MSH3: variants seen among roughly 807,000 people sequenced by gnomAD.
MSH3 encodes the protein DNA mismatch repair protein Msh3.
MSH3 carries 106 observed loss-of-function variants against 123.3 expected under a neutral mutation model. The observed-to-expected ratio is 0.86, with a 90% confidence interval of 0.73 to 1.01. The LOEUF is 1.01. Among genes scored for constraint, MSH3 ranks in the 50% least tolerant of loss-of-function variants. The pLI is 0.00. For synonymous variants in MSH3, 515 were observed against 481.4 expected, an observed-to-expected ratio of 1.07 and a Z score of -0.91; for missense variants, 1,459 against 1,347.6, an observed-to-expected ratio of 1.08 and a Z score of -1.29.
At chr5:80,708,257 T>C (rs1750764759) in intron 8 of MSH3, among the ~76,000 whole-genome samples, 1 of 152,160 alleles carries the variant, frequency 6.6e-6, no homozygotes, top group Admixed American at 6.5e-5. Flanking sequence ...ATTTTAGTTC[T>C]ATAGTTTTAG....
chr5:80,805,414 T>C (rs904224528), intron 19 of MSH3, among the ~76,000 whole-genome samples: 14 of 152,318 alleles, frequency 9.2e-5, no homozygotes, highest in African/African-American at 2.9e-4. Flanking sequence ...ATGCACACAA[T>C]TAAATACTGA....
chr5:80,702,486 C>T (rs1316774419), intron 8 of MSH3, among the ~76,000 whole-genome samples: 1 of 152,082 alleles, frequency 6.6e-6, no homozygotes, highest in Non-Finnish European at 1.5e-5. Context: ...TGCTAGGTAT[C>T]GCATGGCATA....
intron 17 of MSH3, among the ~76,000 whole-genome samples, chr5:80,781,504 G>A (rs1744409065): frequency 7.0e-6 from 1 of 142,430 alleles, no homozygotes; most frequent in Non-Finnish European, 1.5e-5. Flanking sequence ...TCCTCGCTCT[G>A]CCACCCAGGC....
At chr5:80,730,288 C>T (rs754731636) in intron 10 of MSH3, among the ~76,000 whole-genome samples, 3 of 152,068 alleles carry the variant, frequency 2.0e-5, no homozygotes, top group Admixed American at 6.5e-5. Flanking sequence ...TAGTACATAC[C>T]ATTATATGAA....
At chr5:80,801,628 A>G (rs1035995346) in intron 19 of MSH3, among the ~76,000 whole-genome samples, 1 of 152,158 alleles carries the variant, frequency 6.6e-6, no homozygotes, top group African/African-American at 2.4e-5. Context: ...CAGGTTCACC[A>G]TGCACCACTT....
At chr5:80,844,524 G>A (rs901234735) in intron 20 of MSH3, among the ~76,000 whole-genome samples, 6 of 152,098 alleles carry the variant, frequency 3.9e-5, no homozygotes, top group African/African-American at 1.4e-4. Flanking sequence ...TTATTATTGT[G>A]TGGGAGTCTT....
chr5:80,798,598 T>C (rs1439877643), intron 19 of MSH3, among the ~76,000 whole-genome samples: 1 of 152,246 alleles, frequency 6.6e-6, no homozygotes, highest in Non-Finnish European at 1.5e-5. Context: ...CAGATTCTGC[T>C]GTAAAGGTGT....
intron 8 of MSH3, among the ~76,000 whole-genome samples, chr5:80,709,654 T>C (rs1327205001): frequency 6.6e-6 from 1 of 152,214 alleles, no homozygotes; most frequent in Non-Finnish European, 1.5e-5. Flanking sequence ...AAAGAGTTTT[T>C]AACAACTTTT....
At chr5:80,795,050 G>A (rs1202084979) in intron 19 of MSH3, among the ~76,000 whole-genome samples, 1 of 152,200 alleles carries the variant, frequency 6.6e-6, no homozygotes, top group Non-Finnish European at 1.5e-5. Flanking sequence ...TCTGAGGACA[G>A]TGAAAGAATT....
chr5:80,763,674 T>C (rs1383010696), intron 13 of MSH3, among the ~76,000 whole-genome samples: 2 of 152,212 alleles, frequency 1.3e-5, no homozygotes, highest in Admixed American at 6.5e-5. Context: ...CAGTGGCTAC[T>C]CAAATGCACA....
At chr5:80,869,805 CATATATACATAT>C (rs1242919498) in intron 22 of MSH3, among the ~76,000 whole-genome samples, 2 of 100,362 alleles carry the variant, frequency 2.0e-5, no homozygotes, top group African/African-American at 9.0e-5. Flanking sequence ...CATATATATA[CATATATACATAT>C]ATATATACAT....
chr5:80,835,148 C>T (rs1745486782), intron 20 of MSH3, among the ~76,000 whole-genome samples: 2 of 152,286 alleles, frequency 1.3e-5, no homozygotes, highest in Non-Finnish European at 2.9e-5. Flanking sequence ...TGACCAAATT[C>T]TATGTAGAGA....
chr5:80,704,856 CGCTT>C (rs1410480057), intron 8 of MSH3, among the ~76,000 whole-genome samples: 1 of 152,160 alleles, frequency 6.6e-6, no homozygotes, highest in Non-Finnish European at 1.5e-5. Flanking sequence ...CCTTGTCCCT[CGCTT>C]TGGGCTCCAG....
rs373436584 is a variant in MSH3, at chr5:80,656,460, C to T, written c.287C>T (p.Pro96Leu). Residue 96 changes from proline (P) to leucine (L), a missense_variant, in exon 2 of 24, where the codon CCT becomes CTT. By Grantham distance (98) the Pro-to-Leu change is moderately conservative. Transcript: ENST00000265081. ...RKKRPLENDG[P>L]VKKKVKKVQQ... ...AAGAGACCATTGGAAAATGATGGGCCTGTTAAAAAGAAAGTAAAGAAAGTC... is the reference window on the plus strand; with the variant it reads ...AAGAGACCATTGGAAAATGATGGGCTTGTTAAAAAGAAAGTAAAGAAAGTC... The T allele has an allele frequency of 4.3e-5, 70 of 1,613,938 alleles. 1 individual carries two copies. The African/African-American group carries it at 9.3e-4, about 22-fold the overall frequency.
In MSH3 at chr5:80,709,209, A is replaced by ATATG. The variant is rs370520309; in HGVS notation, c.1341-16243_1341-16242insATGT. Reference sequence around the variant, plus strand: ...CATTAGCGATGAATATAAAATAGATATGTGTGTGTGTGTGTGTGTGTGTGT... The same window carrying ATATG: ...CATTAGCGATGAATATAAAATAGATATATGTGTGTGTGTGTGTGTGTGTGTGTGT... On this transcript the variant is annotated intron_variant, in intron 8 of 23. Coordinates refer to ENST00000265081, the MANE Select transcript of MSH3 (RefSeq NM_002439.5). Among the ~76,000 whole-genome samples the ATATG allele has an allele frequency of 3.4e-5, 5 of 147,118 alleles. No individual in the cohort carries two copies. The East Asian group carries it at 1.0e-3, about 29-fold the overall frequency.
At chr5:80,718,473 T>G (rs1751006781) in intron 8 of MSH3, among the ~76,000 whole-genome samples, 3 of 151,416 alleles carry the variant, frequency 2.0e-5, no homozygotes, top group Non-Finnish European at 2.9e-5. Context: ...TCCATCTCTT[T>G]TTATTCCTAT....
In MSH3 at chr5:80,767,938, T is replaced by C. The variant is rs1580033678; in HGVS notation, c.1902T>C (p.Ser634=). 4.4e-6 allele frequency: 7 copies of C among 1,605,658 alleles called. No homozygotes were observed. Among genetic ancestry groups the C allele is most frequent in the Non-Finnish European group, 5.1e-6 (6 of 1,172,446 alleles). The change falls in exon 14 of 24, where the codon TCT becomes TCC. Residue 634 remains serine, a synonymous_variant. Coordinates refer to ENST00000265081, the MANE Select transcript of MSH3 (RefSeq NM_002439.5). The part of the protein sequence containing the change: ...GLCSIYHKKC[S]TQEFFLIVKT... ...AAAAATATTTCTATTTTCAGTGTTC[T>C]ACCCAAGAGTTCTTCTTGATTGTCA...
At position 80,761,643 on chromosome 5, in the gene MSH3, A is replaced by G. The variant is rs1444622729; in HGVS notation, c.1861A>G (p.Ile621Val). 3.7e-6 allele frequency: 6 copies of G among 1,614,168 alleles called. No homozygotes were observed. Among genetic ancestry groups the G allele is most frequent in the South Asian group, 3.3e-5 (3 of 91,088 alleles). The change falls in exon 13 of 24, where the codon ATA becomes GTA. Residue 621 changes from isoleucine to valine, a missense_variant. Transcript: ENST00000265081. ...IENHLRKLPD[I>V]ERGLCSIYHK... ...AAATCATCTACGTAAATTGCCCGAC[A>G]TAGAGAGGGGACTCTGTAGCATTTA...
At chr5:80,769,571 A>G (rs1257838034) in intron 15 of MSH3, among the ~76,000 whole-genome samples, 1 of 152,084 alleles carries the variant, frequency 6.6e-6, no homozygotes, top group Non-Finnish European at 1.5e-5. Context: ...GAACCAGAAA[A>G]GGAAGAAGTA....
Sources: allele counts gnomAD v4.1 joint callset (sites outside exome capture counted in the v4.1 genomes callset), GRCh38; gene constraint gnomAD v4.1.1; transcripts MANE v1.5; gene names NCBI Gene and HGNC (gene_info 2026-07-23, HGNC 2026-07-21).